The following TMEM196 variants were observed in gnomAD, a reference collection of about 807,000 sequenced individuals.
The protein encoded by TMEM196 is transmembrane protein 196.
TMEM196 carries 17 observed loss-of-function variants against 20.0 expected under a neutral mutation model. The ratio of observed to expected loss-of-function variants is 0.85; its 90% CI spans 0.58 to 1.27. The LOEUF (loss-of-function observed/expected upper bound fraction) is 1.27. TMEM196 is among the 50% of genes most tolerant of loss of function. The probability of loss-of-function intolerance (pLI) is 0.00; values close to 1 mark genes in which losing one functional copy is unlikely to be tolerated. For missense variants in TMEM196, 267 were observed against 223.0 expected (o/e 1.20, Z -1.26); for synonymous variants, 113 against 88.9 (o/e 1.27, Z -1.52).
intron 1 of TMEM196, among the ~76,000 whole-genome samples, chr7:19,742,909 A>G (rs1784626715): frequency 6.6e-6 from 1 of 152,158 alleles, no homozygotes; most frequent in South Asian, 2.1e-4. Flanking sequence ...CCTAAAAGGT[A>G]TGGACTCTCA....
chr7:19,755,587 C>A (rs1785178739), intron 1 of TMEM196, among the ~76,000 whole-genome samples: 1 of 152,126 alleles, frequency 6.6e-6, no homozygotes, highest in Admixed American at 6.5e-5. Flanking sequence ...TTTAAGGGTT[C>A]ATTTTGAGAA....
At chr7:19,769,487 C>A (rs536389098) in intron 1 of TMEM196, among the ~76,000 whole-genome samples, 1 of 152,078 alleles carries the variant, frequency 6.6e-6, no homozygotes, top group Non-Finnish European at 1.5e-5. Flanking sequence ...CACAACCCAA[C>A]CTGTCCCAGT....
intron 1 of TMEM196, among the ~76,000 whole-genome samples, chr7:19,767,457 G>A (rs929914855): frequency 6.6e-6 from 1 of 151,938 alleles, no homozygotes; most frequent in East Asian, 1.9e-4. Flanking sequence ...GAATCCATTA[G>A]TGGACTTTAT....
chr7:19,739,577 G>T (rs1280006549), intron 1 of TMEM196, among the ~76,000 whole-genome samples: 5 of 151,994 alleles, frequency 3.3e-5, no homozygotes, highest in African/African-American at 1.2e-4. Flanking sequence ...GAATCTCTGG[G>T]CAGCCTGGGG....
rs201198405 is a variant in TMEM196, at chr7:19,751,466, A to AT, written c.147+21083dup. ...GGAGTCAGACAGACATGTGCTGTAA[A>AT]TTTGGCTGTGTCACACACAAGTGGG... On this transcript the variant is annotated intron_variant, in intron 1 of 4. Transcript: ENST00000405844. Among the ~76,000 whole-genome samples, 158 of 152,336 alleles carry AT rather than the reference A, an allele frequency of 1.0e-3. 3 individuals carry two copies. In the East Asian group the frequency reaches 0.022, roughly 21 times the overall value.
At chr7:19,761,075 G>A (rs1163554476) in intron 1 of TMEM196, among the ~76,000 whole-genome samples, 2 of 152,072 alleles carry the variant, frequency 1.3e-5, no homozygotes, top group East Asian at 1.9e-4. Flanking sequence ...ATCCCTGCAG[G>A]TCCCACTCCC....
intron 1 of TMEM196, among the ~76,000 whole-genome samples, chr7:19,746,857 C>T (rs1029445778): frequency 6.6e-6 from 1 of 152,198 alleles, no homozygotes. Context: ...TGCTCAGAAC[C>T]TCAGCAGGAA....
At chr7:19,750,093 C>T (rs1044474637) in intron 1 of TMEM196, among the ~76,000 whole-genome samples, 2 of 152,210 alleles carry the variant, frequency 1.3e-5, no homozygotes, top group Non-Finnish European at 2.9e-5. Flanking sequence ...AACCCTGGAT[C>T]TTCCCCTAGG....
At chr7:19,732,578 A>C (rs561751718) in intron 1 of TMEM196, among the ~76,000 whole-genome samples, 401 of 129,606 alleles carry the variant, frequency 3.1e-3, no homozygotes, top group African/African-American at 7.0e-3. Flanking sequence ...ATCTCAAAAA[A>C]AAAAAACAAA....
At chr7:19,733,706 G>T (rs1784293187) in intron 1 of TMEM196, among the ~76,000 whole-genome samples, 1 of 151,600 alleles carries the variant, frequency 6.6e-6, no homozygotes, top group African/African-American at 2.4e-5. Flanking sequence ...TTCATCTTGG[G>T]CCTGGCATCC....
intron 1 of TMEM196, among the ~76,000 whole-genome samples, chr7:19,770,705 A>G (rs1785836003): frequency 6.6e-6 from 1 of 152,220 alleles, no homozygotes; most frequent in Admixed American, 6.5e-5. Context: ...ATTCTTTCTT[A>G]TAGTGACTAT....
At chr7:19,725,913 T>C in intron 2 of TMEM196, 145 bp from the exon 3 acceptor site, 2 of 710,344 alleles carry the variant, frequency 2.8e-6, no homozygotes, top group Non-Finnish European at 3.9e-6. Flanking sequence ...GGACAGGAGA[T>C]TTTTTTTTTA....
chr7:19,751,918 C>T (rs1057036240), intron 1 of TMEM196, among the ~76,000 whole-genome samples: 3 of 152,072 alleles, frequency 2.0e-5, no homozygotes, highest in African/African-American at 7.2e-5. Context: ...TCTCTGCAAC[C>T]TCTGGCCCTA....
intron 1 of TMEM196, among the ~76,000 whole-genome samples, chr7:19,764,913 A>C (rs888950872): frequency 6.6e-6 from 1 of 152,192 alleles, no homozygotes; most frequent in Non-Finnish European, 1.5e-5. Flanking sequence ...TAATGAGGTC[A>C]GGCCTCAGCG....
intron 2 of TMEM196, among the ~76,000 whole-genome samples, chr7:19,728,512 G>A (rs1055794848): frequency 1.3e-5 from 2 of 152,260 alleles, no homozygotes; most frequent in Admixed American, 6.5e-5. Context: ...GAAGAAAGAT[G>A]TGATTAGAAA....
At chr7:19,728,758 C>T (rs146729569) in intron 2 of TMEM196, among the ~76,000 whole-genome samples, 71 of 152,348 alleles carry the variant, frequency 4.7e-4, no homozygotes, top group African/African-American at 1.7e-3. Flanking sequence ...GGGGAATCCA[C>T]ACTTCAGCAT....
chr7:19,736,711 C>A (rs540881030), intron 1 of TMEM196, among the ~76,000 whole-genome samples: 2 of 151,908 alleles, frequency 1.3e-5, no homozygotes, highest in South Asian at 2.1e-4. Flanking sequence ...ACTACTCTCA[C>A]TGAGATATCA....
At chr7:19,743,970 C>CT (rs1784662398) in intron 1 of TMEM196, among the ~76,000 whole-genome samples, 1 of 152,038 alleles carries the variant, frequency 6.6e-6, no homozygotes, top group Non-Finnish European at 1.5e-5. Context: ...TGATCCGAAT[C>CT]AGATAGAAGA....
chr7:19,749,836 T>G (rs1408629277), intron 1 of TMEM196, among the ~76,000 whole-genome samples: 6 of 152,196 alleles, frequency 3.9e-5, no homozygotes, highest in Non-Finnish European at 8.8e-5. Flanking sequence ...CAGTGGAAAT[T>G]AGAGTGTCAG....
Sources: gnomAD v4.1 joint callset for allele counts (sites outside exome capture counted in the v4.1 genomes callset) on GRCh38, gnomAD v4.1.1 for gene constraint, MANE v1.5 for transcripts, NCBI Gene and HGNC (gene_info 2026-07-23, HGNC 2026-07-21) for gene names.